The following TUBGCP3 variants were observed in gnomAD, a reference collection of about 807,000 sequenced individuals.
TUBGCP3 encodes tubulin gamma complex component 3, also known as gamma-tubulin complex component 3.
In TUBGCP3, 50 loss-of-function variants were observed where a neutral mutation model predicts 123.1. The ratio of observed to expected loss-of-function variants is 0.41; its 90% CI spans 0.32 to 0.51. TUBGCP3 has a LOEUF of 0.51. TUBGCP3 is among the 20% of genes least tolerant of loss of function. The probability of loss-of-function intolerance (pLI) is 0.36; values close to 1 mark genes in which losing one functional copy is unlikely to be tolerated. For missense variants in TUBGCP3, 882 were observed against 1,127.0 expected (o/e 0.78, Z 3.11); for synonymous variants, 405 against 413.9 (o/e 0.98, Z 0.26).
rs768275561 is a variant in TUBGCP3, at chr13:112,489,680, C to T, written c.2466G>A (p.Thr822=). 9.9e-6 allele frequency: 16 copies of T among 1,613,904 alleles called. No homozygotes were observed. Among genetic ancestry groups the T allele is most frequent in the African/African-American group, 4.0e-5 (3 of 74,910 alleles). The change falls in exon 21 of 22, where the codon ACG becomes ACA. Residue 822 remains threonine, a synonymous_variant. Coordinates refer to ENST00000261965, the MANE Select transcript of TUBGCP3 (RefSeq NM_006322.6). ...TATTTTCCTCCTCTTCCTCTGCTGCCGTCACTCCCCACTGGCCCTGAACAA... is the reference window on the plus strand; with the variant it reads ...TATTTTCCTCCTCTTCCTCTGCTGCTGTCACTCCCCACTGGCCCTGAACAA... The part of the protein sequence containing the change: ...QREIEGQWGV[T]AAEEEEENKR...
chr13:112,533,275 C>T (rs1015893566), intron 11 of TUBGCP3, among the ~76,000 whole-genome samples: 3 of 152,214 alleles, frequency 2.0e-5, no homozygotes, highest in Non-Finnish European at 4.4e-5. Context: ...AGGCATCCAC[C>T]GACTCCCAGG....
At position 112,489,481 on chromosome 13, in the gene TUBGCP3, CT is replaced by C. The variant is rs199915886; in HGVS notation, c.2565+99del. 8.1e-4 allele frequency: 684 copies of C among 843,892 alleles called. 1 individual carries two copies. In the African/African-American group the frequency reaches 0.01, roughly 12 times the overall value. The allele number at this position is 843,892 out of a possible 1,614,324, so 52.3% of individuals were successfully genotyped here. A position where few individuals can be genotyped will look rare whatever the true frequency, so the allele number is the denominator to read the frequency against. On this transcript the variant is annotated intron_variant, in intron 21 of 21. Transcript: ENST00000261965. ...CACACCTACACAAATAAGTGTCAGACTGACAGGGCTGACTCTGCTCTCATCA... is the reference window on the plus strand; with the variant it reads ...CACACCTACACAAATAAGTGTCAGACGACAGGGCTGACTCTGCTCTCATCA...
rs1034006108 is a variant in TUBGCP3, at chr13:112,532,690, C to T, written c.1336-5206G>A. Reference sequence around the variant, plus strand: ...AATGGAAAAAGTTGGTTTACTTTTACAGTACTTACATTTAAGAGCAAAAAA... The same window carrying T: ...AATGGAAAAAGTTGGTTTACTTTTATAGTACTTACATTTAAGAGCAAAAAA... On this transcript the variant is annotated intron_variant, in intron 11 of 21. Transcript: ENST00000261965. Among the ~76,000 whole-genome samples, 7 of 152,226 alleles carry T rather than the reference C, an allele frequency of 4.6e-5. No homozygotes were observed. In the South Asian group the frequency reaches 1.4e-3, roughly 32 times the overall value.
intron 1 of TUBGCP3, among the ~76,000 whole-genome samples, chr13:112,575,717 T>C (rs1005441342): frequency 2.6e-5 from 4 of 152,216 alleles, no homozygotes; most frequent in Non-Finnish European, 5.9e-5. Flanking sequence ...TCTGATTAAA[T>C]AGAAAACAAT....
At chr13:112,492,623 C>T (rs971482357) in intron 20 of TUBGCP3, among the ~76,000 whole-genome samples, 11 of 150,382 alleles carry the variant, frequency 7.3e-5, no homozygotes, top group African/African-American at 1.3e-4. Context: ...GTGCCTGAGA[C>T]GCTCTGGCTA....
intron 3 of TUBGCP3, among the ~76,000 whole-genome samples, chr13:112,563,900 T>C (rs900676679): frequency 7.9e-5 from 12 of 151,426 alleles, no homozygotes; most frequent in African/African-American, 2.9e-4. Flanking sequence ...TGTCTAAATA[T>C]GTTTTCATCC....
At chr13:112,520,105 G>T in intron 14 of TUBGCP3, 84 bp from the exon 15 acceptor site, 1 of 1,340,738 alleles carries the variant, frequency 7.5e-7, no homozygotes, top group Non-Finnish European at 1.0e-6. Flanking sequence ...TTAAAAGTAA[G>T]AGTTCAAATT....
chr13:112,542,679 C>T (rs1878621902), intron 11 of TUBGCP3, among the ~76,000 whole-genome samples: 1 of 152,002 alleles, frequency 6.6e-6, no homozygotes, highest in South Asian at 2.1e-4. Flanking sequence ...ATTGAGCTAC[C>T]TACAGTGTCA....
intron 11 of TUBGCP3, among the ~76,000 whole-genome samples, chr13:112,528,601 G>T (rs1297737562): frequency 6.6e-6 from 1 of 152,110 alleles, no homozygotes; most frequent in Non-Finnish European, 1.5e-5. Context: ...TGTACATTAG[G>T]AATAGTGACC....
chr13:112,527,048 G>C lies in TUBGCP3; in HGVS notation c.1449C>G (p.Val483=), dbSNP rs749551708. The change falls in exon 13 of 22, where the codon GTC becomes GTG. Residue 483 remains valine, a splice_region_variant and synonymous_variant. Coordinates refer to ENST00000261965, the MANE Select transcript of TUBGCP3 (RefSeq NM_006322.6). The part of the protein sequence containing the change: ...SFMTMDQSRK[V]LLIGKSINFL... ...AATTTATTGATTTTCCTATCAAAAGGACCTAAAAAGAAAAACATTCTATGA... is the reference window on the plus strand; with the variant it reads ...AATTTATTGATTTTCCTATCAAAAGCACCTAAAAAGAAAAACATTCTATGA... 3.2e-5 allele frequency: 51 copies of C among 1,608,760 alleles called. No homozygotes were observed. In the Middle Eastern group the frequency reaches 4.9e-4, roughly 16 times the overall value.
At chr13:112,505,286 A>AT in intron 17 of TUBGCP3, among the ~76,000 whole-genome samples, 1 of 152,238 alleles carries the variant, frequency 6.6e-6, no homozygotes, top group South Asian at 2.1e-4. Context: ...CGCACTTTTA[A>AT]TTTTTTTGTT....
chr13:112,515,399 G>C (rs1876026570), intron 17 of TUBGCP3, among the ~76,000 whole-genome samples: 1 of 152,196 alleles, frequency 6.6e-6, no homozygotes, highest in African/African-American at 2.4e-5. Flanking sequence ...TAAGAACACA[G>C]GGGGAAGGAG....
At chr13:112,574,362 G>T (rs1423764170) in intron 1 of TUBGCP3, among the ~76,000 whole-genome samples, 2 of 145,610 alleles carry the variant, frequency 1.4e-5, no homozygotes, top group Non-Finnish European at 3.0e-5. Context: ...ATCTTCAAGT[G>T]GGCACTCTGA....
chr13:112,559,028 C>T (rs549826720), intron 4 of TUBGCP3, among the ~76,000 whole-genome samples: 134 of 152,348 alleles, frequency 8.8e-4, no homozygotes, highest in African/African-American at 3.2e-3. Flanking sequence ...AATTACCTAT[C>T]AGTGCTGATA....
chr13:112,547,580 C>T lies in TUBGCP3; in HGVS notation c.1168+40G>A, dbSNP rs112767817. ...GGGAAAGTCGCGCGTGGGAAAGTCG[C>T]GCGTGGGAAAGACGTGCGTGGGAAA... is the stretch of plus-strand genomic sequence containing the variant. On this transcript the variant is annotated intron_variant, in intron 10 of 21. Coordinates refer to ENST00000261965, the MANE Select transcript of TUBGCP3 (RefSeq NM_006322.6). The T allele has an allele frequency of 4.5e-3, 5,076 of 1,117,016 alleles. 199 individuals are homozygous for T. The African/African-American group carries it at 0.15, about 32-fold the overall frequency. The allele number at this position is 1,117,016 out of a possible 1,614,324, so 69.2% of individuals were successfully genotyped here. A position where few individuals can be genotyped will look rare whatever the true frequency, so the allele number is the denominator to read the frequency against.
At chr13:112,544,640 A>T (rs1878837025) in intron 11 of TUBGCP3, 2 of 152,102 alleles carry the variant, frequency 1.3e-5, no homozygotes, top group African/African-American at 2.4e-5. Flanking sequence ...GTAGCTAGAT[A>T]AAAACATATC....
chr13:112,577,962 A>G (rs186049317), intron 1 of TUBGCP3, among the ~76,000 whole-genome samples: 14 of 152,320 alleles, frequency 9.2e-5, no homozygotes, highest in African/African-American at 2.9e-4. Context: ...CACATGCCAC[A>G]TATGAAAATT....
chr13:112,518,251 C>T (rs1046448999), intron 16 of TUBGCP3, among the ~76,000 whole-genome samples: 2 of 152,102 alleles, frequency 1.3e-5, no homozygotes, highest in South Asian at 2.1e-4. Flanking sequence ...GAAAACAGCA[C>T]GAAGCAGGCT....
In TUBGCP3 at chr13:112,556,067, C is replaced by G. The variant is rs1212551218; in HGVS notation, c.706G>C (p.Glu236Gln). Residue 236 changes from glutamate (E) to glutamine (Q), a missense_variant, in exon 6 of 22, where the codon GAA becomes CAA. By Grantham distance (29) the Glu-to-Gln change is conservative (BLOSUM62 2). This residue lies in a region of TUBGCP3 where 713 missense variants were observed against 874.0 expected (regional missense o/e 0.82). Coordinates refer to ENST00000261965, the MANE Select transcript of TUBGCP3 (RefSeq NM_006322.6). Reference sequence around the variant, plus strand: ...CCTTACTCACCACCCGTATCCCCTTCTCTCCTGGACCTTGTCATGTTGCGA... The same window carrying G: ...CCTTACTCACCACCCGTATCCCCTTGTCTCCTGGACCTTGTCATGTTGCGA... ...VSRNMTRSRREGDTGGTMEIT... is the reference protein window; with the variant it reads ...VSRNMTRSRRQGDTGGTMEIT... The G allele has an allele frequency of 1.2e-6, 2 of 1,613,102 alleles. No individual in the cohort carries two copies. The highest frequency in any genetic ancestry group is 2.7e-5 in the African/African-American group (2 of 74,904).
Sources: allele counts gnomAD v4.1 joint callset (sites outside exome capture counted in the v4.1 genomes callset), GRCh38; gene constraint gnomAD v4.1.1; regional missense constraint gnomAD v4.1.1; transcripts MANE v1.5; gene names NCBI Gene and HGNC (gene_info 2026-07-23, HGNC 2026-07-21).